Variants in MRTFB observed in about 807,000 individuals in gnomAD.
MRTFB encodes myocardin related transcription factor B.
Under a neutral mutation model 104.2 loss-of-function variants are expected in MRTFB, and 29 were observed. That is an observed-to-expected ratio of 0.28 (90% confidence interval 0.21 to 0.38). MRTFB has a LOEUF of 0.38. Ranked by LOEUF, MRTFB falls within the 10% of genes least tolerant of loss-of-function variation. The pLI is 1.00. For missense variants in MRTFB, 1,270 were observed against 1,341.6 expected, an observed-to-expected ratio of 0.95 and a Z score of 0.83; for synonymous variants, 535 against 519.5, an observed-to-expected ratio of 1.03 and a Z score of -0.41.
the MRTFB span, chr16:14,009,573 A>G: frequency 1.7e-3 from 264 of 152,312 alleles, 1 homozygote; most frequent in African/African-American, 6.2e-3. Context: ...AGTAGTAGAC[A>G]TCCTTTTCTT....
At chr16:14,022,746 C>CTTTTT in the MRTFB span, among the ~76,000 whole-genome samples, 8 of 88,628 alleles carry the variant, frequency 9.0e-5, no homozygotes, top group African/African-American at 3.4e-4. Flanking sequence ...TAATACTGTT[C>CTTTTT]TTTTTTTTTT....
intron 6 of MRTFB, among the ~76,000 whole-genome samples, chr16:14,215,834 T>C (rs1467520945): frequency 2.0e-5 from 3 of 152,246 alleles, no homozygotes; most frequent in African/African-American, 7.2e-5. Context: ...GGTAAGACTT[T>C]AATGAATGGA....
intron 8 of MRTFB, among the ~76,000 whole-genome samples, chr16:14,231,306 ATAAAT>A (rs1242512236): frequency 1.3e-5 from 2 of 152,058 alleles, no homozygotes; most frequent in Non-Finnish European, 2.9e-5. Flanking sequence ...AAAAATAAAA[ATAAAT>A]TAAAAAAAGA....
At chr16:14,041,734 C>T in the MRTFB span, among the ~76,000 whole-genome samples, 1 of 151,844 alleles carries the variant, frequency 6.6e-6, no homozygotes, top group African/African-American at 2.4e-5. Flanking sequence ...TGAGACTAGC[C>T]TGGCCAACAT....
chr16:14,206,059 T>C (rs2040926579), intron 3 of MRTFB, among the ~76,000 whole-genome samples: 1 of 194 alleles, frequency 5.2e-3, no homozygotes, highest in African/African-American at 0.026. Flanking sequence ...CTAAGCCTTT[T>C]TTCCCCTCCA....
chr16:14,164,788 G>A (rs957959894), intron 3 of MRTFB, among the ~76,000 whole-genome samples: 3 of 152,230 alleles, frequency 2.0e-5, no homozygotes, highest in Admixed American at 1.3e-4. Flanking sequence ...CCAAAGTTAC[G>A]TGGCTGGAAG....
chr16:14,014,593 C>T, the MRTFB span, among the ~76,000 whole-genome samples: 1 of 152,062 alleles, frequency 6.6e-6, no homozygotes. Flanking sequence ...GTGGCTCACG[C>T]CTGTAATCTC....
At chr16:14,243,047 T>C (rs2151380977) in intron 10 of MRTFB, among the ~76,000 whole-genome samples, 1 of 152,104 alleles carries the variant, frequency 6.6e-6, no homozygotes. Context: ...GGGAGAGAGA[T>C]GTGGAGAAAA....
At chr16:14,035,920 T>A in the MRTFB span, among the ~76,000 whole-genome samples, 2 of 151,430 alleles carry the variant, frequency 1.3e-5, no homozygotes, top group Non-Finnish European at 2.9e-5. Context: ...ACTGTGTCGT[T>A]CTTATGCCTT....
intron 3 of MRTFB, among the ~76,000 whole-genome samples, chr16:14,165,536 C>G (rs2039202994): frequency 6.6e-6 from 1 of 152,180 alleles, no homozygotes; most frequent in African/African-American, 2.4e-5. Flanking sequence ...GTACCCTGTG[C>G]TCCAGCCCTG....
the MRTFB span, among the ~76,000 whole-genome samples, chr16:14,041,740 A>C: frequency 6.6e-6 from 1 of 151,874 alleles, no homozygotes; most frequent in African/African-American, 2.4e-5. Context: ...TAGCCTGGCC[A>C]ACATGGAGAA....
chr16:14,182,659 C>G (rs1466489491), intron 3 of MRTFB, among the ~76,000 whole-genome samples: 1 of 152,120 alleles, frequency 6.6e-6, no homozygotes, highest in Non-Finnish European at 1.5e-5. Flanking sequence ...GTGAGCATAC[C>G]TAGCATTCAG....
intron 3 of MRTFB, among the ~76,000 whole-genome samples, chr16:14,194,763 C>T (rs1431005989): frequency 2.0e-5 from 3 of 146,834 alleles, no homozygotes; most frequent in Non-Finnish European, 3.0e-5. Context: ...TTAATTCTGG[C>T]TCTGCTTCTC....
At chr16:14,111,355 G>T (rs917329050) in intron 2 of MRTFB, among the ~76,000 whole-genome samples, 1 of 151,998 alleles carries the variant, frequency 6.6e-6, no homozygotes, top group African/African-American at 2.4e-5. Context: ...AGTGGCCTTT[G>T]CCCTTAATAA....
intron 1 of MRTFB, among the ~76,000 whole-genome samples, chr16:14,078,970 A>G (rs996034572): frequency 7.2e-5 from 11 of 152,170 alleles, no homozygotes; most frequent in Non-Finnish European, 1.0e-4. Context: ...CCCAGATCAC[A>G]CAGGTAGAAA....
chr16:14,232,275 C>T (rs2042300791), intron 8 of MRTFB, among the ~76,000 whole-genome samples: 2 of 152,114 alleles, frequency 1.3e-5, no homozygotes, highest in African/African-American at 2.4e-5. Context: ...AATGTTTTCC[C>T]CTCTGTGAAC....
chr16:14,054,462 C>T, the MRTFB span, among the ~76,000 whole-genome samples: 30 of 152,192 alleles, frequency 2.0e-4, no homozygotes, highest in African/African-American at 7.0e-4. Flanking sequence ...AGTGATCCAC[C>T]GTCCTCAGCC....
chr16:14,027,581 T>C, the MRTFB span, among the ~76,000 whole-genome samples: 2 of 152,206 alleles, frequency 1.3e-5, no homozygotes, highest in East Asian at 1.9e-4. Flanking sequence ...TGAATATTAT[T>C]GTATCAGTGT....
At chr16:14,142,532 G>C (rs941318137) in intron 3 of MRTFB, 2 of 152,012 alleles carry the variant, frequency 1.3e-5, no homozygotes, top group African/African-American at 4.8e-5. Context: ...GCAGGCGTGA[G>C]CCACCACGCC....
Sources: gnomAD v4.1 joint callset for allele counts (sites outside exome capture counted in the v4.1 genomes callset) on GRCh38, gnomAD v4.1.1 for gene constraint, MANE v1.5 for transcripts, NCBI Gene and HGNC (gene_info 2026-07-23, HGNC 2026-07-21) for gene names.